Variants in COL16A1 observed in about 807,000 individuals in gnomAD.
The protein encoded by COL16A1 is collagen alpha-1(XVI) chain.
COL16A1 carries 189 observed loss-of-function variants against 266.3 expected under a neutral mutation model. The ratio of observed to expected loss-of-function variants is 0.71; its 90% CI spans 0.63 to 0.80. The LOEUF (loss-of-function observed/expected upper bound fraction) is 0.80. COL16A1 is among the 30% of genes least tolerant of loss of function. COL16A1 has a pLI of 0.00. For missense variants in COL16A1, 1,928 were observed against 2,122.4 expected (o/e 0.91, Z 1.80); for synonymous variants, 740 against 782.3 (o/e 0.95, Z 0.90).
chr1:31,657,253 G>A lies in COL16A1; in HGVS notation c.4021-185C>T, dbSNP rs370162954. The A allele has an allele frequency of 4.2e-4, 278 of 661,210 alleles. 1 individual carries two copies. In the East Asian group the frequency reaches 5.9e-3, roughly 14 times the overall value. The allele number at this position is 661,210 out of a possible 1,614,324, so 41.0% of individuals were successfully genotyped here. A position where few individuals can be genotyped will look rare whatever the true frequency, so the allele number is the denominator to read the frequency against. On this transcript the variant is annotated intron_variant, in intron 64 of 70. Coordinates refer to ENST00000373672, the MANE Select transcript of COL16A1 (RefSeq NM_001856.4). The surrounding 1 kb of genome is among the most constrained non-coding windows in gnomAD (Gnocchi z 6.4). ...TTAGACCCCCACCCCATACTCCAGCGTGATCCCAGAGCCCCAACAGCTCCC... is the reference window on the plus strand; with the variant it reads ...TTAGACCCCCACCCCATACTCCAGCATGATCCCAGAGCCCCAACAGCTCCC...
At chr1:31,696,469 G>A (rs1391627763) in intron 8 of COL16A1, among the ~76,000 whole-genome samples, 1 of 152,234 alleles carries the variant, frequency 6.6e-6, no homozygotes, top group Non-Finnish European at 1.5e-5. Context: ...GAGGAACCAG[G>A]CTTCCATGCC....
chr1:31,687,202 C>T (rs1025797218), intron 26 of COL16A1, among the ~76,000 whole-genome samples: 25 of 151,970 alleles, frequency 1.6e-4, no homozygotes, highest in Admixed American at 1.3e-4. Context: ...GCCAACATGG[C>T]AAAACCCCGT....
chr1:31,684,376 A>G, intron 31 of COL16A1, 145 bp from the exon 32 acceptor site: 2 of 1,472,326 alleles, frequency 1.4e-6, no homozygotes, highest in Non-Finnish European at 1.8e-6. Context: ...CACTCCTAGC[A>G]GAGGAGAAGC....
chr1:31,699,692 G>A, intron 4 of COL16A1, 121 bp downstream of exon 4: 1 of 707,342 alleles, frequency 1.4e-6, no homozygotes, highest in South Asian at 1.7e-5. Context: ...TTGACTCCTG[G>A]CAGGGGCTGG....
intron 2 of COL16A1, chr1:31,701,397 CA>C: frequency 1.0e-6 from 1 of 985,448 alleles, no homozygotes; most frequent in Non-Finnish European, 1.2e-6. Flanking sequence ...CCTGGGTCCA[CA>C]ATCCCTTTCA....
At chr1:31,655,204 C>G in intron 67 of COL16A1, 110 bp downstream of exon 67, 1 of 1,485,896 alleles carries the variant, frequency 6.7e-7, no homozygotes, top group Non-Finnish European at 9.0e-7. Flanking sequence ...TCTATGGGAG[C>G]CAGGCTCTTT....
intron 22 of COL16A1, 44 bp from the exon 23 acceptor site, chr1:31,689,895 A>G (rs1570550325): frequency 1.3e-6 from 2 of 1,571,040 alleles, no homozygotes. Context: ...TGGGGCTGAG[A>G]CCCCAGGGAA....
intron 42 of COL16A1, chr1:31,679,419 A>G (rs143689157): frequency 3.2e-6 from 5 of 1,562,778 alleles, no homozygotes; most frequent in East Asian, 2.4e-5. Context: ...GCAACAGTGC[A>G]TTGCTTGAAA....
In COL16A1 at chr1:31,654,047, TAAAA is replaced by T. The variant is rs754669902; in HGVS notation, c.4358-8_4358-5del. ...GAGGTGTAGTAAGCCATTCTCTCTG[TAAAA>T]AAAGGACAAGGACAGGGACAGGTCA... On this transcript the variant is annotated splice_region_variant and splice_polypyrimidine_tract_variant and intron_variant, in intron 68 of 70. Coordinates refer to ENST00000373672, the MANE Select transcript of COL16A1 (RefSeq NM_001856.4). The T allele has an allele frequency of 1.2e-6, 2 of 1,610,640 alleles. No homozygotes were observed. Among genetic ancestry groups the T allele is most frequent in the African/African-American group, 2.7e-5 (2 of 74,646 alleles).
intron 17 of COL16A1, 123 bp from the exon 18 acceptor site, chr1:31,691,765 G>T: frequency 7.7e-7 from 1 of 1,296,026 alleles, no homozygotes; most frequent in Non-Finnish European, 1.1e-6. Context: ...AGCCCACCCT[G>T]GTGCCCCAAG....
intron 53 of COL16A1, 47 bp from the exon 54 acceptor site, chr1:31,665,982 C>T (rs765000347): frequency 1.9e-6 from 3 of 1,613,982 alleles, no homozygotes; most frequent in Non-Finnish European, 2.5e-6. Flanking sequence ...TCTTCCTGCC[C>T]TCAGACCCCA....
Position 31,656,603 on chromosome 1 carries a change from G to A in COL16A1, c.4057-159C>T, listed in dbSNP as rs1400403833. Among the ~76,000 whole-genome samples, 2 of 152,168 alleles carry A rather than the reference G, an allele frequency of 1.3e-5. No individual in the cohort carries two copies. Among genetic ancestry groups the A allele is most frequent in the African/African-American group, 4.8e-5 (2 of 41,444 alleles). On this transcript the variant is annotated intron_variant, in intron 65 of 70. Coordinates refer to ENST00000373672, the MANE Select transcript of COL16A1 (RefSeq NM_001856.4). This position sits in a 1 kb window ranked among gnomAD's most constrained non-coding sequence, Gnocchi z 4.2. ...AGGAGCGCAGCCTCCCTGCCCAGCTGGAAGGGAAAATAATGTCCTCTGGGG... is the reference window on the plus strand; with the variant it reads ...AGGAGCGCAGCCTCCCTGCCCAGCTAGAAGGGAAAATAATGTCCTCTGGGG...
intron 12 of COL16A1, 104 bp from the exon 13 acceptor site, chr1:31,693,258 G>A (rs780667878): frequency 2.1e-5 from 15 of 710,578 alleles, no homozygotes; most frequent in South Asian, 3.0e-5. Flanking sequence ...CCCCACACAC[G>A]GGTACGCAAA....
chr1:31,661,187 C>A lies in COL16A1; in HGVS notation c.3772-68G>T, dbSNP rs576486432. On this transcript the variant is annotated intron_variant, in intron 60 of 70. Coordinates refer to ENST00000373672, the MANE Select transcript of COL16A1 (RefSeq NM_001856.4). ...TGACATCCCTACCCCAAGTCAACCT[C>A]ACATCAGAGGGACCCTGCCACCTGC... 1.6e-5 allele frequency: 25 copies of A among 1,532,906 alleles called. No individual in the cohort carries two copies. The African/African-American group carries it at 3.3e-4, about 20-fold the overall frequency. 95.0% of individuals were successfully genotyped at this position (1,532,906 alleles called of 1,614,324 possible).
At chr1:31,654,126 C>G in intron 68 of COL16A1, 83 bp from the exon 69 acceptor site, 1 of 1,525,370 alleles carries the variant, frequency 6.6e-7, no homozygotes, top group Non-Finnish European at 8.8e-7. Context: ...ATATAGGCCA[C>G]CAGCATGAAG....
chr1:31,675,084 A>G (rs766641747), intron 43 of COL16A1, 45 bp from the exon 44 acceptor site: 14 of 1,612,676 alleles, frequency 8.7e-6, no homozygotes, highest in Non-Finnish European at 1.2e-5. Flanking sequence ...AGGGGAAGGA[A>G]CATGGAGACT....
rs199769518 is a variant in COL16A1, at chr1:31,684,542, G to C, written c.2141C>G (p.Ala714Gly). The change falls in exon 31 of 71, where the codon GCG (alanine) becomes GGG (glycine). Residue 714 changes from alanine (A) to glycine (G), a missense_variant. Physicochemically the swap from Ala to Gly is moderately conservative, Grantham distance 60 (BLOSUM62 0). Coordinates refer to ENST00000373672, the MANE Select transcript of COL16A1 (RefSeq NM_001856.4). ...LSGEPGVQGP[A>G]GPKGEKGDGC... ...ACTAACCTTTTCTCCTTTTGGCCCC[G>C]CGGGGCCCTGAACTCCAGGCTCTCC... The C allele has an allele frequency of 1.2e-4, 191 of 1,612,924 alleles. No individual in the cohort carries two copies. The highest frequency in any genetic ancestry group is 1.5e-4 in the Non-Finnish European group (172 of 1,179,738).
chr1:31,662,202 C>G lies in COL16A1; in HGVS notation c.3681+132G>C. ...GGAGCTGGGGTAGAGGGAGACAGAC[C>G]GAGGGAGGGCATGGGTGCCCCCTGA... is the stretch of plus-strand genomic sequence containing the variant. On this transcript the variant is annotated intron_variant, in intron 58 of 70. Coordinates refer to ENST00000373672, the MANE Select transcript of COL16A1 (RefSeq NM_001856.4). 3 of 1,502,804 alleles carry G rather than the reference C, an allele frequency of 2.0e-6. No homozygotes were observed. In the Admixed American group the frequency reaches 5.9e-5, roughly 30 times the overall value. 93.1% of individuals were successfully genotyped at this position (1,502,804 alleles called of 1,614,324 possible). A position where few individuals can be genotyped will look rare whatever the true frequency, so the allele number is the denominator to read the frequency against.
At chr1:31,703,146 C>T (rs1221721346) in intron 1 of COL16A1, among the ~76,000 whole-genome samples, 3 of 152,164 alleles carry the variant, frequency 2.0e-5, no homozygotes. Flanking sequence ...AACATATGCT[C>T]GCTGATATAC....
Sources: gnomAD v4.1 joint callset for allele counts (sites outside exome capture counted in the v4.1 genomes callset) on GRCh38, gnomAD v4.1.1 for gene constraint, Gnocchi (gnomAD v3.1) non-coding constraint, MANE v1.5 for transcripts, NCBI Gene and HGNC (gene_info 2026-07-23, HGNC 2026-07-21) for gene names.